Variants in DPF3 observed in about 807,000 individuals in gnomAD.
DPF3 encodes double PHD fingers 3.
A neutral mutation model predicts 56.8 loss-of-function variants in DPF3; 18 were observed. That is an observed-to-expected ratio of 0.32 (90% CI 0.22 to 0.47). The LOEUF is 0.47. DPF3 is among the 20% of genes least tolerant of loss of function. DPF3 has a pLI of 1.00. For synonymous variants in DPF3, 188 were observed against 180.2 expected, an observed-to-expected ratio of 1.04 and a Z score of -0.35; for missense variants, 403 against 488.8, an observed-to-expected ratio of 0.82 and a Z score of 1.65.
intron 6 of DPF3, among the ~76,000 whole-genome samples, chr14:72,709,515 C>T (rs754145256): frequency 1.3e-5 from 2 of 152,178 alleles, no homozygotes; most frequent in Non-Finnish European, 1.5e-5. Context: ...CCATCGACAG[C>T]GGCCAGGGCT....
intron 6 of DPF3, among the ~76,000 whole-genome samples, chr14:72,709,240 C>A (rs1888550496): frequency 6.6e-6 from 1 of 152,206 alleles, no homozygotes; most frequent in African/African-American, 2.4e-5. Flanking sequence ...AGAACAGAGA[C>A]TTTGCTGAGA....
At chr14:72,856,680 GC>G (rs1362496091) in intron 1 of DPF3, among the ~76,000 whole-genome samples, 13 of 152,170 alleles carry the variant, frequency 8.5e-5, no homozygotes, top group African/African-American at 3.1e-4. Flanking sequence ...TCCTCCATCT[GC>G]CCCCATTTTC....
In DPF3 at chr14:72,609,472, C is replaced by T. The variant is rs756367006; in HGVS notation, c.*9825G>A. 4.6e-5 allele frequency among the ~76,000 whole-genome samples: 7 copies of T among 152,296 alleles called. No homozygotes were observed. Among genetic ancestry groups the T allele is most frequent in the Non-Finnish European group, 8.8e-5 (6 of 68,024 alleles). ...TCTGGGAATCACAGAACCATCATGTCCCCTTAGGATGGCAGAAGATGTGGC... is the reference window on the plus strand; with the variant it reads ...TCTGGGAATCACAGAACCATCATGTTCCCTTAGGATGGCAGAAGATGTGGC... On this transcript the variant is annotated 3_prime_UTR_variant, in exon 11 of 11. Coordinates refer to ENST00000556509, the MANE Select transcript of DPF3 (RefSeq NM_001280542.3).
intron 7 of DPF3, among the ~76,000 whole-genome samples, chr14:72,685,633 T>C (rs1354890262): frequency 6.6e-6 from 1 of 152,216 alleles, no homozygotes; most frequent in Admixed American, 6.5e-5. Flanking sequence ...TTGGTCTTTG[T>C]GTGCCTTGCT....
rs149095646 is a variant in DPF3, at chr14:72,770,199, C to T, written c.193+1534G>A. 3.7e-3 allele frequency among the ~76,000 whole-genome samples: 564 copies of T among 152,222 alleles called. 2 individuals carry two copies. Among genetic ancestry groups the T allele is most frequent in the African/African-American group, 0.013 (543 of 41,530 alleles). On this transcript the variant is annotated intron_variant, in intron 2 of 10. Transcript: ENST00000556509. ...TTGTTCTTACCAAAAAAAAATGGAACCTGAATAAATCTCTAGACCTAACTA... is the reference window on the plus strand; with the variant it reads ...TTGTTCTTACCAAAAAAAAATGGAATCTGAATAAATCTCTAGACCTAACTA...
intron 3 of DPF3, among the ~76,000 whole-genome samples, chr14:72,748,031 AC>A (rs1875815792): frequency 6.6e-6 from 1 of 152,266 alleles, no homozygotes; most frequent in Non-Finnish European, 1.5e-5. Flanking sequence ...CTGAAAAGAT[AC>A]CCGAAAATAT....
rs115328628 is a variant in DPF3, at chr14:72,804,709, C to T, written c.33-32816G>A. Among the ~76,000 whole-genome samples, 413 of 152,172 alleles carry T rather than the reference C, an allele frequency of 2.7e-3. 5 individuals are homozygous for T. The highest frequency in any genetic ancestry group is 9.6e-3 in the African/African-American group (397 of 41,510). On this transcript the variant is annotated intron_variant, in intron 1 of 10. Coordinates refer to ENST00000556509, the MANE Select transcript of DPF3 (RefSeq NM_001280542.3). ...ACTGCTAGGGTATGACACATAGAGC[C>T]CTCAAAGGTAGTTGAATCTGATTCA...
chr14:72,664,388 C>A (rs1167678615), intron 8 of DPF3, among the ~76,000 whole-genome samples: 1 of 152,150 alleles, frequency 6.6e-6, no homozygotes, highest in Admixed American at 6.5e-5. Context: ...CCTAGAAAAT[C>A]ATGCGTGAGT....
chr14:72,688,277 G>T (rs1201495956), intron 7 of DPF3, among the ~76,000 whole-genome samples: 77 of 115,038 alleles, frequency 6.7e-4, no homozygotes, highest in African/African-American at 2.7e-3. Flanking sequence ...ATGAGTGGGT[G>T]GGTGGGTGGG....
rs77540221 is a variant in DPF3, at chr14:72,609,675, G to A, written c.*9622C>T. On this transcript the variant is annotated 3_prime_UTR_variant, in exon 11 of 11. Coordinates refer to ENST00000556509, the MANE Select transcript of DPF3 (RefSeq NM_001280542.3). The stretch of plus-strand genomic sequence containing the variant: ...GGTGGCACACACACCTACAGAGACC[G>A]CAACCACATCACAGTGAAGGAGGAG... 2.4e-3 allele frequency among the ~76,000 whole-genome samples: 358 copies of A among 152,308 alleles called. 5 individuals are homozygous for A. The East Asian group carries it at 0.048, about 21-fold the overall frequency.
At chr14:72,861,779 G>GAAAGAAAGA (rs1885438340) in intron 1 of DPF3, among the ~76,000 whole-genome samples, 1 of 148,950 alleles carries the variant, frequency 6.7e-6, no homozygotes, top group Non-Finnish European at 1.5e-5. Context: ...AAGAAAGAAA[G>GAAAGAAAGA]AAAGAAAGAA....
rs773391332 is a variant in DPF3, at chr14:72,771,785, C to T, written c.141G>A (p.Gly47=). The change falls in exon 2 of 11, where the codon GGG becomes GGA. Residue 47 remains glycine, a synonymous_variant. Transcript: ENST00000556509. ...VRLPFLDSQT[G]VAQNNCYIWM... The stretch of plus-strand genomic sequence containing the variant: ...AGATGTAGCAGTTGTTCTGGGCCAC[C>T]CCAGTCTGTGAGTCCAGGAAGGGAA... The T allele has an allele frequency of 1.0e-4, 169 of 1,613,810 alleles. 1 individual carries two copies. The East Asian group carries it at 3.5e-3, about 33-fold the overall frequency.
intron 5 of DPF3, among the ~76,000 whole-genome samples, chr14:72,720,458 C>A (rs1889121360): frequency 6.6e-6 from 1 of 152,198 alleles, no homozygotes; most frequent in African/African-American, 2.4e-5. Flanking sequence ...TGGCTCCGTG[C>A]ATGGGTAACA....
intron 9 of DPF3, among the ~76,000 whole-genome samples, chr14:72,624,780 A>G (rs1884721544): frequency 6.6e-6 from 1 of 152,226 alleles, no homozygotes; most frequent in East Asian, 1.9e-4. Context: ...AAAAAATCCA[A>G]GCCAGTGATT....
chr14:72,692,540 G>C (rs1229747347), intron 7 of DPF3, among the ~76,000 whole-genome samples: 2 of 152,222 alleles, frequency 1.3e-5, no homozygotes, highest in Non-Finnish European at 2.9e-5. Flanking sequence ...TTTGCCATTT[G>C]AATGCTGAAG....
intron 7 of DPF3, among the ~76,000 whole-genome samples, chr14:72,686,968 A>C (rs999803174): frequency 1.3e-5 from 2 of 152,280 alleles, no homozygotes; most frequent in African/African-American, 4.8e-5. Context: ...AAGAGATGTC[A>C]GAAGACTAAC....
chr14:72,646,540 C>A (rs143964398), intron 8 of DPF3, among the ~76,000 whole-genome samples: 145 of 152,314 alleles, frequency 9.5e-4, no homozygotes, highest in Non-Finnish European at 1.5e-3. Context: ...GTGGATGAGA[C>A]CCCATGGAGG....
intron 1 of DPF3, among the ~76,000 whole-genome samples, chr14:72,774,867 T>A (rs1033853127): frequency 1.3e-5 from 2 of 152,106 alleles, no homozygotes; most frequent in African/African-American, 4.8e-5. Flanking sequence ...GTAACAAGGA[T>A]CATGAGATTG....
At chr14:72,816,673 A>C (rs1336114608) in intron 1 of DPF3, among the ~76,000 whole-genome samples, 1 of 152,100 alleles carries the variant, frequency 6.6e-6, no homozygotes, top group Non-Finnish European at 1.5e-5. Context: ...ATGTAAAAGC[A>C]CTTTGGAAAT....
Sources: gnomAD v4.1 joint callset for allele counts (sites outside exome capture counted in the v4.1 genomes callset) on GRCh38, gnomAD v4.1.1 for gene constraint, MANE v1.5 for transcripts, NCBI Gene and HGNC (gene_info 2026-07-23, HGNC 2026-07-21) for gene names.